The following PSD3 variants were observed in gnomAD, a reference collection of about 807,000 sequenced individuals.
PSD3 encodes PH and SEC7 domain-containing protein 3.
A neutral mutation model predicts 105.5 loss-of-function variants in PSD3; 49 were observed. The ratio of observed to expected loss-of-function variants is 0.46; its 90% CI spans 0.37 to 0.59. The LOEUF (loss-of-function observed/expected upper bound fraction) is 0.59. Ranked by LOEUF, PSD3 falls within the 20% of genes least tolerant of loss-of-function variation. The pLI, the probability that PSD3 is intolerant of heterozygous loss-of-function variation, is 0.00. For missense variants in PSD3, 1,561 were observed against 1,263.8 expected, an observed-to-expected ratio of 1.24 and a Z score of -3.57; for synonymous variants, 557 against 457.8, an observed-to-expected ratio of 1.22 and a Z score of -2.77.
chr8:18,615,841 G>A (rs1436507842), intron 11 of PSD3, among the ~76,000 whole-genome samples: 2 of 152,182 alleles, frequency 1.3e-5, no homozygotes, highest in Non-Finnish European at 2.9e-5. Flanking sequence ...ACAGAGCGAA[G>A]ACCCTGCTGT....
At chr8:18,563,707 G>T (rs575404977) in intron 14 of PSD3, among the ~76,000 whole-genome samples, 298 of 152,190 alleles carry the variant, frequency 2.0e-3, no homozygotes, top group African/African-American at 6.9e-3. Flanking sequence ...AGACCTCGAA[G>T]AAATGAATTT....
chr8:18,612,543 G>A (rs1356888754), intron 11 of PSD3, among the ~76,000 whole-genome samples: 1 of 151,936 alleles, frequency 6.6e-6, no homozygotes, highest in Non-Finnish European at 1.5e-5. Flanking sequence ...GGATAATGTT[G>A]TTGTATTTTA....
At chr8:18,593,973 G>T in intron 12 of PSD3, among the ~76,000 whole-genome samples, 1 of 93,038 alleles carries the variant, frequency 1.1e-5, no homozygotes, top group African/African-American at 4.6e-5. Flanking sequence ...GGGGCCTGTT[G>T]TGGGGCGGGG....
rs558189971 is a variant in PSD3, at chr8:18,879,813, G to A, written c.131-7080C>T. Among the ~76,000 whole-genome samples, 14 of 135,792 alleles carry A rather than the reference G, an allele frequency of 1.0e-4. No individual in the cohort carries two copies. In the East Asian group the frequency reaches 1.8e-3, roughly 17 times the overall value. The allele number at this position is 135,792 out of a possible 152,430, so 89.1% of individuals were successfully genotyped here. A position where few individuals can be genotyped will look rare whatever the true frequency, so the allele number is the denominator to read the frequency against. On this transcript the variant is annotated intron_variant, in intron 2 of 15. Coordinates refer to ENST00000327040, the MANE Select transcript of PSD3 (RefSeq NM_015310.4). The stretch of plus-strand genomic sequence containing the variant: ...GGGTTTCCCTATGTTGCCCAGACTG[G>A]TCTCGAACTCCTGGGCTCAAGTGAT...
chr8:18,728,894 C>G (rs1425650187), intron 9 of PSD3, among the ~76,000 whole-genome samples: 1 of 152,082 alleles, frequency 6.6e-6, no homozygotes. Context: ...AGAGGGTGGA[C>G]GCCTCACATG....
intron 9 of PSD3, among the ~76,000 whole-genome samples, chr8:18,752,693 GATATA>G (rs1310787262): frequency 2.0e-5 from 2 of 99,626 alleles, no homozygotes; most frequent in African/African-American, 3.9e-5. Context: ...AATCATATAT[GATATA>G]ATATATAATA....
Position 19,082,423 on chromosome 8 carries a change from C to T in PSD3, c.324+1783G>A, listed in dbSNP as rs549163430. ...CTCCATTGCAATGTGAAGCAGGGGA[C>T]GTCATCAGTGTTTTCATGGTGGAAA... is the stretch of plus-strand genomic sequence containing the variant. On this transcript the variant is annotated intron_variant, in intron 1 of 1. Coordinates refer to the PSD3 transcript ENST00000521475. Among the ~76,000 whole-genome samples the T allele has an allele frequency of 4.7e-3, 719 of 152,264 alleles. 7 individuals are homozygous for T. Among genetic ancestry groups the T allele is most frequent in the Non-Finnish European group, 8.1e-3 (551 of 68,020 alleles).
intron 3 of PSD3, among the ~76,000 whole-genome samples, chr8:18,870,010 AT>A (rs1437323770): frequency 2.6e-5 from 4 of 152,180 alleles, no homozygotes; most frequent in African/African-American, 9.7e-5. Context: ...GTAAAAGTGC[AT>A]ATTCCAGTGG....
chr8:18,632,713 A>G lies in PSD3; in HGVS notation c.2310T>C (p.Thr770=). 1 of 1,610,736 alleles carries G rather than the reference A, an allele frequency of 6.2e-7. No homozygotes were observed. Among genetic ancestry groups the G allele is most frequent in the Non-Finnish European group, 8.5e-7 (1 of 1,177,220 alleles). Residue 770 remains threonine, a synonymous_variant, in exon 11 of 16, where the codon ACT becomes ACC. Transcript: ENST00000327040. ...HPKTISRIGS[T]TNPFLDIPHD... ...GAGGAATGTCCAAAAATGGGTTAGT[A>G]GTACTTCCAATACGACTGATGGTCT... is the stretch of plus-strand genomic sequence containing the variant.
chr8:19,016,421 C>G (rs1827180796), upstream of PSD3, among the ~76,000 whole-genome samples: 1 of 152,116 alleles, frequency 6.6e-6, no homozygotes, highest in Non-Finnish European at 1.5e-5. Context: ...TACAGTTAAT[C>G]CTTCCTATTT....
chr8:18,954,686 T>A (rs999286127), intron 1 of PSD3, among the ~76,000 whole-genome samples: 3 of 152,148 alleles, frequency 2.0e-5, no homozygotes, highest in African/African-American at 7.2e-5. Context: ...TCAAGTCCAG[T>A]GTTTCCTAAA....
At chr8:18,649,646 G>A (rs74934596) in intron 10 of PSD3, among the ~76,000 whole-genome samples, 2,656 of 152,256 alleles carry the variant, frequency 0.017, 50 homozygotes, top group Middle Eastern at 0.099. Flanking sequence ...TTTTAGAGGC[G>A]CCAGGGATGG....
chr8:18,730,937 G>A (rs13276535), intron 9 of PSD3, among the ~76,000 whole-genome samples: 123,514 of 152,154 alleles, frequency 0.81, 51,214 homozygotes, highest in Non-Finnish European at 0.91. Flanking sequence ...AGCTAAGGTC[G>A]AAAGTAATGT....
At chr8:18,728,421 C>T (rs1413036186) in intron 9 of PSD3, among the ~76,000 whole-genome samples, 1 of 152,168 alleles carries the variant, frequency 6.6e-6, no homozygotes, top group East Asian at 1.9e-4. Context: ...ACAGGGAAGG[C>T]TTCTCAGAGG....
Position 18,827,955 on chromosome 8 carries a change from G to A in PSD3, c.1635-23057C>T, listed in dbSNP as rs1237501703. Reference sequence around the variant, plus strand: ...AAAAAAAAAAAAGAAGCAAAAGCTAGTATTTCACAACACTTAAATCATTTG... The same window carrying A: ...AAAAAAAAAAAAGAAGCAAAAGCTAATATTTCACAACACTTAAATCATTTG... On this transcript the variant is annotated intron_variant, in intron 4 of 15. Coordinates refer to ENST00000327040, the MANE Select transcript of PSD3 (RefSeq NM_015310.4). Among the ~76,000 whole-genome samples, 4 of 146,186 alleles carry A rather than the reference G, an allele frequency of 2.7e-5. No homozygotes were observed. The Admixed American group carries it at 2.8e-4, about 10-fold the overall frequency.
At chr8:18,977,896 A>C (rs537540432) in intron 1 of PSD3, among the ~76,000 whole-genome samples, 14 of 152,242 alleles carry the variant, frequency 9.2e-5, no homozygotes, top group Non-Finnish European at 1.8e-4. Flanking sequence ...CAAGCATAGA[A>C]GTCACAAAGG....
At chr8:18,920,530 A>T (rs540051166) in intron 2 of PSD3, among the ~76,000 whole-genome samples, 1 of 152,278 alleles carries the variant, frequency 6.6e-6, no homozygotes, top group East Asian at 1.9e-4. Context: ...CTTTTAGTAA[A>T]TTTGCAAACA....
At chr8:18,848,577 A>G (rs1219623281) in intron 4 of PSD3, among the ~76,000 whole-genome samples, 3 of 152,236 alleles carry the variant, frequency 2.0e-5, no homozygotes, top group Non-Finnish European at 4.4e-5. Flanking sequence ...GCTTAATAAG[A>G]CTGCGGCTCA....
At chr8:18,729,180 CTT>C (rs1803549364) in intron 9 of PSD3, among the ~76,000 whole-genome samples, 1 of 152,194 alleles carries the variant, frequency 6.6e-6, no homozygotes, top group South Asian at 2.1e-4. Context: ...TTTTCTTCCC[CTT>C]TGAGACTCTG....
Sources: allele counts gnomAD v4.1 joint callset (sites outside exome capture counted in the v4.1 genomes callset), GRCh38; gene constraint gnomAD v4.1.1; transcripts MANE v1.5; gene names NCBI Gene and HGNC (gene_info 2026-07-23, HGNC 2026-07-21).